The following BIRC6 variants were observed in gnomAD, a reference collection of about 807,000 sequenced individuals.
BIRC6 encodes the protein dual E2 ubiquitin-conjugating enzyme/E3 ubiquitin-protein ligase BIRC6.
BIRC6 carries 98 observed loss-of-function variants against 503.3 expected under a neutral mutation model. The observed-to-expected ratio is 0.19, with a 90% confidence interval of 0.17 to 0.23. BIRC6 has a LOEUF of 0.23. BIRC6 is among the 10% of genes least tolerant of loss of function. The pLI is 1.00. For synonymous variants in BIRC6, 2,240 were observed against 2,078.7 expected, an observed-to-expected ratio of 1.08 and a Z score of -2.11; for missense variants, 5,360 against 5,806.0, an observed-to-expected ratio of 0.92 and a Z score of 2.50.
rs761147935 is a variant in BIRC6 at position 32,493,653 on chromosome 2, A to G, written c.8454A>G (p.Ile2818Met). ...FSEFLLKLIH[I>M]LSTERGAFQT... Reference sequence around the variant, plus strand: ...AATTTTTGCTCAAGCTAATTCATATACTTTCAACTGAAAGGTAAATTTTTG... The same window carrying G: ...AATTTTTGCTCAAGCTAATTCATATGCTTTCAACTGAAAGGTAAATTTTTG... Residue 2818 changes from isoleucine to methionine, a missense_variant, in exon 45 of 74, where the codon ATA becomes ATG. Physicochemically the swap from Ile to Met is conservative, Grantham distance 10. Transcript: ENST00000421745. 2.5e-6 allele frequency: 4 copies of G among 1,601,996 alleles called. No individual in the cohort carries two copies. Among genetic ancestry groups the G allele is most frequent in the South Asian group, 1.1e-5 (1 of 90,048 alleles).
At chr2:32,505,448 C>A in intron 50 of BIRC6, 1 of 414,276 alleles carries the variant, frequency 2.4e-6, no homozygotes, top group Non-Finnish European at 4.4e-6. Flanking sequence ...TATATTATTT[C>A]GCTTTCTCTT....
Position 32,618,143 on chromosome 2 carries a change from G to A in BIRC6, c.*239G>A. 2.9e-6 allele frequency: 1 copy of A among 344,844 alleles called. No individual in the cohort carries two copies. Among genetic ancestry groups the A allele is most frequent in the Non-Finnish European group, 5.3e-6 (1 of 190,272 alleles). The allele number at this position is 344,844 out of a possible 1,614,324, so 21.4% of individuals were successfully genotyped here. ...ACTGATTGGTATGTTCAACAAATTT[G>A]TGTATACAAAGAAATGGATAAATCA... On this transcript the variant is annotated 3_prime_UTR_variant, in exon 74 of 74. Transcript: ENST00000421745.
rs748687525 is a variant in BIRC6, at chr2:32,468,141, T to G, written c.5780+30T>G. Reference sequence around the variant, plus strand: ...GTACAGAGTGCAAATTTTAATGTTATTGAAACTTTGTATTTTATATAATGT... The same window carrying G: ...GTACAGAGTGCAAATTTTAATGTTAGTGAAACTTTGTATTTTATATAATGT... On this transcript the variant is annotated intron_variant, in intron 28 of 73. Transcript: ENST00000421745. The G allele has an allele frequency of 1.9e-6, 3 of 1,585,536 alleles. No homozygotes were observed. The African/African-American group carries it at 4.0e-5, about 21-fold the overall frequency.
At chr2:32,392,174 A>T (rs772720622) in intron 5 of BIRC6, 24 bp downstream of exon 5, 30 of 1,487,658 alleles carry the variant, frequency 2.0e-5, no homozygotes, top group Non-Finnish European at 2.3e-5. Context: ...ATAAAAAAAT[A>T]CTTTTCTCAG....
At chr2:32,530,189 T>C (rs1429982944) in intron 60 of BIRC6, among the ~76,000 whole-genome samples, 2 of 152,288 alleles carry the variant, frequency 1.3e-5, no homozygotes, top group East Asian at 3.9e-4. Context: ...TGGGATCACA[T>C]ATTTTTGTTT....
rs541637057 is a variant in BIRC6 at position 32,474,622 on chromosome 2, C to T, written c.6720+1383C>T. 2.3e-4 allele frequency among the ~76,000 whole-genome samples: 35 copies of T among 152,082 alleles called. 1 individual carries two copies. The South Asian group carries it at 5.2e-3, about 23-fold the overall frequency. Reference sequence around the variant, plus strand: ...GAATTATAAACGAAAGTAATCAGGGCGATTAGTCATCAGGTTACTAACTTA... The same window carrying T: ...GAATTATAAACGAAAGTAATCAGGGTGATTAGTCATCAGGTTACTAACTTA... On this transcript the variant is annotated intron_variant, in intron 33 of 73. Transcript: ENST00000421745.
intron 66 of BIRC6, among the ~76,000 whole-genome samples, chr2:32,575,816 A>G (rs968166325): frequency 7.2e-5 from 11 of 152,190 alleles, no homozygotes; most frequent in African/African-American, 2.4e-4. Flanking sequence ...AGCAATAAAT[A>G]AACATACAAA....
intron 40 of BIRC6, 52 bp downstream of exon 40, chr2:32,485,811 A>T: frequency 8.2e-7 from 1 of 1,223,130 alleles, no homozygotes; most frequent in East Asian, 2.4e-5. Flanking sequence ...TCAGCTCTTC[A>T]TCATTTTCAG....
intron 65 of BIRC6, among the ~76,000 whole-genome samples, chr2:32,560,849 A>G (rs1184711043): frequency 6.6e-6 from 1 of 150,910 alleles, no homozygotes; most frequent in African/African-American, 2.4e-5. Context: ...GATTGCATAC[A>G]TAAGCCACTG....
chr2:32,374,624 C>T (rs1283798708), intron 1 of BIRC6, among the ~76,000 whole-genome samples: 2 of 152,014 alleles, frequency 1.3e-5, no homozygotes, highest in African/African-American at 2.4e-5. Flanking sequence ...AGGCGCCCGC[C>T]ACCACGCCCG....
intron 8 of BIRC6, among the ~76,000 whole-genome samples, 169 bp from the exon 9 acceptor site, chr2:32,406,330 T>C (rs1573985887): frequency 6.6e-6 from 1 of 152,014 alleles, no homozygotes; most frequent in South Asian, 2.1e-4. Flanking sequence ...CAGGAGGAGG[T>C]CAGGGCTGCA....
intron 23 of BIRC6, among the ~76,000 whole-genome samples, chr2:32,461,141 C>T (rs1455196102): frequency 2.3e-4 from 1 of 4,336 alleles, no homozygotes; most frequent in Non-Finnish European, 6.7e-4. Context: ...CCCTCCCCTC[C>T]CCTCCCCTCC....
chr2:32,527,061 A>G (rs893752545), intron 59 of BIRC6: 3 of 152,268 alleles, frequency 2.0e-5, no homozygotes, highest in Non-Finnish European at 4.4e-5. Context: ...GATACCAAGG[A>G]CAGAATAACT....
intron 70 of BIRC6, among the ~76,000 whole-genome samples, chr2:32,601,137 A>G (rs1349797887): frequency 6.6e-6 from 1 of 152,250 alleles, no homozygotes; most frequent in Non-Finnish European, 1.5e-5. Context: ...TGGTATATGT[A>G]TGACAGCACT....
At chr2:32,556,079 T>G (rs1300289706) in intron 65 of BIRC6, among the ~76,000 whole-genome samples, 1 of 152,216 alleles carries the variant, frequency 6.6e-6, no homozygotes, top group Non-Finnish European at 1.5e-5. Context: ...TTTCTATATA[T>G]GGTCACTAGC....
chr2:32,540,930 G>T (rs2710630), intron 61 of BIRC6, among the ~76,000 whole-genome samples: 51,208 of 151,824 alleles, frequency 0.34, 9,288 homozygotes, highest in Non-Finnish European at 0.41. Flanking sequence ...TCTGTATAAT[G>T]GGTGATGGGA....
At chr2:32,518,993 G>A in intron 57 of BIRC6, 47 bp downstream of exon 57, 1 of 1,538,076 alleles carries the variant, frequency 6.5e-7, no homozygotes, top group Non-Finnish European at 8.9e-7. Context: ...TATGTTTGAT[G>A]TATATGGAGG....
chr2:32,559,965 G>A (rs1415983973), intron 65 of BIRC6, among the ~76,000 whole-genome samples: 2 of 152,000 alleles, frequency 1.3e-5, no homozygotes, highest in African/African-American at 4.8e-5. Flanking sequence ...GCAGTGAGCC[G>A]AGATCACGCC....
At chr2:32,499,051 G>C (rs1383509374) in intron 45 of BIRC6, among the ~76,000 whole-genome samples, 2 of 152,106 alleles carry the variant, frequency 1.3e-5, no homozygotes, top group Non-Finnish European at 2.9e-5. Flanking sequence ...AGACTGACTT[G>C]CTGTTAGACT....
Sources: allele counts gnomAD v4.1 joint callset (sites outside exome capture counted in the v4.1 genomes callset), GRCh38; gene constraint gnomAD v4.1.1; transcripts MANE v1.5; gene names NCBI Gene and HGNC (gene_info 2026-07-23, HGNC 2026-07-21).